ASIC2: variants seen among roughly 807,000 people sequenced by gnomAD.
ASIC2 encodes acid sensing ion channel subunit 2.
ASIC2 carries 25 observed loss-of-function variants against 57.3 expected under a neutral mutation model. The observed-to-expected ratio is 0.44, with a 90% CI of 0.32 to 0.61. ASIC2 has a LOEUF of 0.61. Among genes scored for constraint, ASIC2 ranks in the 20% least tolerant of loss-of-function variants. The pLI is 0.06. For missense variants in ASIC2, 641 were observed against 738.1 expected, an observed-to-expected ratio of 0.87 and a Z score of 1.52; for synonymous variants, 319 against 307.5, an observed-to-expected ratio of 1.04 and a Z score of -0.39.
At chr17:33,614,183 T>C (rs919031321) in intron 1 of ASIC2, among the ~76,000 whole-genome samples, 1 of 152,196 alleles carries the variant, frequency 6.6e-6, no homozygotes, top group Non-Finnish European at 1.5e-5. Flanking sequence ...TAAGGATGGG[T>C]GTCCTTATTA....
At chr17:33,488,326 C>G (rs1013385315) in intron 1 of ASIC2, among the ~76,000 whole-genome samples, 3 of 152,178 alleles carry the variant, frequency 2.0e-5, no homozygotes, top group Non-Finnish European at 2.9e-5. Context: ...CAGGCCATCC[C>G]CCAGTGTTAG....
rs970489188 is a variant in ASIC2 at position 33,293,118 on chromosome 17, G to C, written c.-1003C>G. 1 of 858,246 alleles carries C rather than the reference G, an allele frequency of 1.2e-6. No homozygotes were observed. Among genetic ancestry groups the C allele is most frequent in the African/African-American group, 1.8e-5 (1 of 54,480 alleles). The allele number at this position is 858,246 out of a possible 1,614,324, so 53.2% of individuals were successfully genotyped here. A position where few individuals can be genotyped will look rare whatever the true frequency, so the allele number is the denominator to read the frequency against. On this transcript the variant is annotated 5_prime_UTR_variant, in exon 1 of 10. Transcript: ENST00000225823. The stretch of plus-strand genomic sequence containing the variant: ...GGGTGACCCGGACTCGCTGCTCCGC[G>C]CGCCCTTCTCCTCTCGAGACTCCGA...
At chr17:33,338,009 G>T (rs1907585742) in intron 1 of ASIC2, among the ~76,000 whole-genome samples, 1 of 151,626 alleles carries the variant, frequency 6.6e-6, no homozygotes, top group African/African-American at 2.4e-5. Context: ...CAAAGAAGGT[G>T]GAAGTGTTCC....
At chr17:33,474,195 C>T (rs1428750861) in intron 1 of ASIC2, among the ~76,000 whole-genome samples, 1 of 152,092 alleles carries the variant, frequency 6.6e-6, no homozygotes. Context: ...GGTGAAACCC[C>T]ATCTCTACTA....
At chr17:33,017,418 C>A (rs550674468) in intron 8 of ASIC2, among the ~76,000 whole-genome samples, 187 bp downstream of exon 8, 1 of 152,168 alleles carries the variant, frequency 6.6e-6, no homozygotes, top group Non-Finnish European at 1.5e-5. Flanking sequence ...CACCGCCCCC[C>A]AAAAACCTCC....
In ASIC2 at chr17:33,084,608, G is replaced by A. The variant is rs144978232; in HGVS notation, c.987+4255C>T. Among the ~76,000 whole-genome samples the A allele has an allele frequency of 3.8e-3, 579 of 152,340 alleles. 6 individuals carry two copies. The highest frequency in any genetic ancestry group is 4.6e-3 in the Non-Finnish European group (315 of 68,042). On this transcript the variant is annotated intron_variant, in intron 3 of 9. Transcript: ENST00000225823. The stretch of plus-strand genomic sequence containing the variant: ...AAGTGGAGATATCAGAACCCCCCCT[G>A]CAGGGTTGTTGTGGGAGATTAAATG...
chr17:33,020,401 T>G (rs142398830), intron 7 of ASIC2, among the ~76,000 whole-genome samples: 9 of 152,268 alleles, frequency 5.9e-5, no homozygotes, highest in African/African-American at 2.2e-4. Flanking sequence ...CACCTGCCCC[T>G]TCCAAAATGC....
chr17:33,254,851 C>T (rs535326264), intron 1 of ASIC2, among the ~76,000 whole-genome samples: 2 of 152,178 alleles, frequency 1.3e-5, no homozygotes, highest in South Asian at 2.1e-4. Flanking sequence ...CACACAGACA[C>T]GTGCATGGGT....
intron 1 of ASIC2, among the ~76,000 whole-genome samples, chr17:33,874,234 T>A (rs1410437128): frequency 1.3e-5 from 2 of 152,252 alleles, no homozygotes; most frequent in South Asian, 2.1e-4. Context: ...GAATGTCTAT[T>A]TTACCCTTCT....
At chr17:33,121,485 G>C (rs534927834) in intron 1 of ASIC2, among the ~76,000 whole-genome samples, 1 of 152,270 alleles carries the variant, frequency 6.6e-6, no homozygotes, top group African/African-American at 2.4e-5. Context: ...TAGGGACAGT[G>C]GTGGCGACAG....
At chr17:33,156,644 T>C (rs888927363) in intron 1 of ASIC2, among the ~76,000 whole-genome samples, 17 of 151,882 alleles carry the variant, frequency 1.1e-4, no homozygotes, top group African/African-American at 3.9e-4. Flanking sequence ...TAATCCCAGC[T>C]ACTCAGGAGG....
intron 1 of ASIC2, among the ~76,000 whole-genome samples, chr17:33,627,907 G>A (rs1906037242): frequency 6.6e-6 from 1 of 152,160 alleles, no homozygotes; most frequent in African/African-American, 2.4e-5. Flanking sequence ...CCGGGCATCT[G>A]TAGTCCCAGC....
chr17:33,382,262 A>G (rs1384603711), intron 1 of ASIC2, among the ~76,000 whole-genome samples: 2 of 152,226 alleles, frequency 1.3e-5, no homozygotes, highest in Non-Finnish European at 2.9e-5. Context: ...GATTCAAAAC[A>G]GGATGCAAAC....
At chr17:33,305,159 G>A (rs1046037388) in intron 1 of ASIC2, among the ~76,000 whole-genome samples, 3 of 152,138 alleles carry the variant, frequency 2.0e-5, no homozygotes, top group Non-Finnish European at 2.9e-5. Context: ...TAACTCCCAC[G>A]GTATCCCTAA....
At chr17:33,950,438 G>T (rs182388122) in intron 1 of ASIC2, among the ~76,000 whole-genome samples, 1 of 152,348 alleles carries the variant, frequency 6.6e-6, no homozygotes, top group Admixed American at 6.5e-5. Flanking sequence ...AGTCTATTCT[G>T]CTGCCTGTCA....
chr17:33,639,813 G>C lies in ASIC2; in HGVS notation c.555+516165C>G, dbSNP rs1906499567. 4.7e-5 allele frequency among the ~76,000 whole-genome samples: 7 copies of C among 148,512 alleles called. No individual in the cohort carries two copies. In the South Asian group the frequency reaches 1.5e-3, roughly 31 times the overall value. ...AGCCCTCCATTGTTTAACAAATAGA[G>C]CCAGCGGCCAGTATTCGGCAGAACT... On this transcript the variant is annotated intron_variant, in intron 1 of 9. Coordinates refer to the ASIC2 transcript ENST00000359872.
At chr17:33,979,950 C>T (rs1276526755) in intron 1 of ASIC2, among the ~76,000 whole-genome samples, 1 of 152,106 alleles carries the variant, frequency 6.6e-6, no homozygotes, top group African/African-American at 2.4e-5. Context: ...CTTAGGCCTC[C>T]TCTCTTCTTT....
rs147966031 is a variant in ASIC2, at chr17:33,361,942, T to C, written c.556-249875A>G. On this transcript the variant is annotated intron_variant, in intron 1 of 9. Transcript: ENST00000359872. ...CCTCCTTGACCTTCGCTTGGTTTTATGGTCTCTCCAATGACTTCTTTATTT... is the reference window on the plus strand; with the variant it reads ...CCTCCTTGACCTTCGCTTGGTTTTACGGTCTCTCCAATGACTTCTTTATTT... 9.3e-3 allele frequency among the ~76,000 whole-genome samples: 1,412 copies of C among 152,364 alleles called. 26 individuals carry two copies. Among genetic ancestry groups the C allele is most frequent in the African/African-American group, 0.032 (1,343 of 41,592 alleles).
At chr17:34,085,604 G>C (rs1478115815) in intron 1 of ASIC2, among the ~76,000 whole-genome samples, 1 of 152,194 alleles carries the variant, frequency 6.6e-6, no homozygotes, top group African/African-American at 2.4e-5. Context: ...AATAGTTTCA[G>C]AAGGAATGGT....
Sources: gnomAD v4.1 joint callset for allele counts (sites outside exome capture counted in the v4.1 genomes callset) on GRCh38, gnomAD v4.1.1 for gene constraint, MANE v1.5 for transcripts, NCBI Gene and HGNC (gene_info 2026-07-23, HGNC 2026-07-21) for gene names.